SLC5A1: variants seen among roughly 807,000 people sequenced by gnomAD.
SLC5A1 encodes sodium/glucose cotransporter 1.
Under a neutral mutation model 73.5 loss-of-function variants are expected in SLC5A1, and 42 were observed. The observed-to-expected ratio is 0.57, with a 90% confidence interval of 0.45 to 0.74. SLC5A1 has a LOEUF of 0.74. Ranked by LOEUF, SLC5A1 falls within the 30% of genes least tolerant of loss-of-function variation. The pLI is 0.00. For missense variants in SLC5A1, 634 were observed against 855.4 expected (o/e 0.74, Z 3.23); for synonymous variants, 300 against 317.4 (o/e 0.95, Z 0.58).
At chr22:32,091,843 G>A in intron 11 of SLC5A1, 81 bp downstream of exon 11, 4 of 1,414,552 alleles carry the variant, frequency 2.8e-6, no homozygotes, top group Non-Finnish European at 4.0e-6. Flanking sequence ...GCTAGGGAAG[G>A]TTGGCAGATG....
intron 11 of SLC5A1, 65 bp downstream of exon 11, chr22:32,091,827 C>T (rs1191603235): frequency 3.2e-6 from 5 of 1,565,302 alleles, no homozygotes; most frequent in Non-Finnish European, 4.4e-6. Context: ...CTGTGTTACC[C>T]CTCAAGCTAG....
intron 13 of SLC5A1, among the ~76,000 whole-genome samples, chr22:32,102,774 A>C (rs569083531): frequency 4.6e-5 from 7 of 151,980 alleles, no homozygotes; most frequent in African/African-American, 1.7e-4. Flanking sequence ...TATCTCCATG[A>C]GTTTGGTTTT....
rs202209955 is a variant in SLC5A1, at chr22:32,110,348, T to C, written c.*135T>C. ...GGATAAATGTGTACATGTGTAATTA[T>C]AGGCTAGCTGGAAGAAAACCATTAG... On this transcript the variant is annotated 3_prime_UTR_variant, in exon 15 of 15. Transcript: ENST00000266088. 7 of 723,408 alleles carry C rather than the reference T, an allele frequency of 9.7e-6. No homozygotes were observed. Among genetic ancestry groups the C allele is most frequent in the South Asian group, 1.5e-5 (1 of 66,606 alleles). The allele number at this position is 723,408 out of a possible 1,614,324, so 44.8% of individuals were successfully genotyped here.
In SLC5A1 at chr22:32,091,656, A is replaced by G. The variant is rs1298120816; in HGVS notation, c.1174A>G (p.Ser392Gly). ...MLSVMLASLM[S>G]SLTSIFNSAS... ...ATCAGTCATGCTGGCCTCCCTCATG[A>G]GCTCCCTGACCTCCATCTTCAACAG... Residue 392 changes from serine (S) to glycine (G), a missense_variant, in exon 11 of 15, where the codon AGC becomes GGC. Ser to Gly is a moderately conservative substitution (Grantham distance 56). This residue lies in a region of SLC5A1 where 422 missense variants were observed against 626.1 expected (regional missense o/e 0.67). Coordinates refer to ENST00000266088, the MANE Select transcript of SLC5A1 (RefSeq NM_000343.4). 6.2e-7 allele frequency: 1 copy of G among 1,613,856 alleles called. No homozygotes were observed. The highest frequency in any genetic ancestry group is 8.5e-7 in the Non-Finnish European group (1 of 1,179,998).
chr22:32,097,259 A>G (rs993928915), intron 11 of SLC5A1, among the ~76,000 whole-genome samples: 2 of 152,138 alleles, frequency 1.3e-5, no homozygotes, highest in African/African-American at 4.8e-5. Flanking sequence ...CAGATAAGGG[A>G]GTGATGAGTG....
At chr22:32,069,772 ATG>A (rs2093979829) in intron 5 of SLC5A1, among the ~76,000 whole-genome samples, 1 of 152,198 alleles carries the variant, frequency 6.6e-6, no homozygotes, top group Non-Finnish European at 1.5e-5. Flanking sequence ...ATCTGACTCT[ATG>A]TGACATTTCT....
chr22:32,084,542 C>T lies in SLC5A1; in HGVS notation c.768C>T (p.Tyr256=), dbSNP rs568699954. ...DGNTTFQEKC[Y]TPRADSFHIF... is the part of the protein sequence containing the mutation. ...ACACCACCTTTCAGGAAAAATGCTA[C>T]ACTCCAAGGGCCGACTCCTTCCACA... Residue 256 remains tyrosine, a synonymous_variant, in exon 8 of 15, where the codon TAC becomes TAT. Coordinates refer to ENST00000266088, the MANE Select transcript of SLC5A1 (RefSeq NM_000343.4). 1.2e-6 allele frequency: 2 copies of T among 1,614,244 alleles called. No individual in the cohort carries two copies. Among genetic ancestry groups the T allele is most frequent in the Non-Finnish European group, 1.7e-6 (2 of 1,180,042 alleles).
At chr22:32,091,826 C>T (rs2094018378) in intron 11 of SLC5A1, 64 bp downstream of exon 11, 25 of 1,568,808 alleles carry the variant, frequency 1.6e-5, no homozygotes, top group Non-Finnish European at 2.1e-5. Flanking sequence ...TCTGTGTTAC[C>T]CCTCAAGCTA....
intron 5 of SLC5A1, 105 bp downstream of exon 5, chr22:32,068,705 T>C: frequency 1.2e-6 from 1 of 819,802 alleles, no homozygotes. Context: ...TCTATTAACT[T>C]GGCCCCTTAA....
At chr22:32,049,823 GAA>G (rs2093942903) in intron 1 of SLC5A1, 118 bp from the exon 2 acceptor site, 1 of 827,818 alleles carries the variant, frequency 1.2e-6, no homozygotes, top group African/African-American at 1.7e-5. Flanking sequence ...GAAGGAATGT[GAA>G]AGTGTTTCAG....
intron 5 of SLC5A1, among the ~76,000 whole-genome samples, chr22:32,075,617 C>A (rs1020813610): frequency 2.0e-5 from 3 of 151,854 alleles, no homozygotes; most frequent in Non-Finnish European, 4.4e-5. Flanking sequence ...AATTCAAGAC[C>A]CTGGGAAAAA....
At chr22:32,074,402 T>G (rs2093987550) in intron 5 of SLC5A1, among the ~76,000 whole-genome samples, 1 of 152,174 alleles carries the variant, frequency 6.6e-6, no homozygotes, top group African/African-American at 2.4e-5. Flanking sequence ...AGGAGCCCGC[T>G]TTTTCTAAAT....
chr22:32,051,146 C>A (rs1049622496), intron 2 of SLC5A1, among the ~76,000 whole-genome samples: 1 of 152,212 alleles, frequency 6.6e-6, no homozygotes, highest in Non-Finnish European at 1.5e-5. Flanking sequence ...CCTACCAGGA[C>A]TACTGGCAGA....
chr22:32,049,015 AGT>A (rs2093940775), intron 1 of SLC5A1, among the ~76,000 whole-genome samples: 1 of 151,618 alleles, frequency 6.6e-6, no homozygotes, highest in Admixed American at 6.6e-5. Context: ...GAGAGGTTGC[AGT>A]GAGCCAAGAT....
intron 4 of SLC5A1, 99 bp from the exon 5 acceptor site, chr22:32,068,397 A>C: frequency 1.2e-6 from 1 of 857,218 alleles, no homozygotes; most frequent in Non-Finnish European, 2.0e-6. Context: ...CCTTGACCAC[A>C]CTTCTGTGGC....
At chr22:32,100,699 C>A (rs943271338) in intron 12 of SLC5A1, among the ~76,000 whole-genome samples, 1 of 152,138 alleles carries the variant, frequency 6.6e-6, no homozygotes, top group Non-Finnish European at 1.5e-5. Flanking sequence ...TACAGGCACA[C>A]CCCATGCCCA....
chr22:32,051,689 AC>A (rs1442402688), intron 2 of SLC5A1, among the ~76,000 whole-genome samples: 1 of 152,142 alleles, frequency 6.6e-6, no homozygotes, highest in Non-Finnish European at 1.5e-5. Flanking sequence ...ACCCCAAAAA[AC>A]AAAAACAACA....
intron 5 of SLC5A1, among the ~76,000 whole-genome samples, chr22:32,080,041 C>T (rs546908958): frequency 2.6e-5 from 4 of 152,260 alleles, no homozygotes; most frequent in East Asian, 3.9e-4. Context: ...TGCATAAACA[C>T]GAGGACACTG....
intron 11 of SLC5A1, among the ~76,000 whole-genome samples, chr22:32,093,112 A>C (rs1296681142): frequency 6.6e-6 from 1 of 152,044 alleles, no homozygotes; most frequent in Non-Finnish European, 1.5e-5. Context: ...AGTTGGCTCT[A>C]AGTATTTGGG....
Sources: allele counts gnomAD v4.1 joint callset (sites outside exome capture counted in the v4.1 genomes callset), GRCh38; gene constraint gnomAD v4.1.1; regional missense constraint gnomAD v4.1.1; transcripts MANE v1.5; gene names NCBI Gene and HGNC (gene_info 2026-07-23, HGNC 2026-07-21).